The following RBFOX1 variants were observed in gnomAD, a reference collection of about 807,000 sequenced individuals.
The protein encoded by RBFOX1 is RNA binding protein fox-1 homolog 1.
In RBFOX1, 8 loss-of-function variants were observed where a neutral mutation model predicts 57.7. The ratio of observed to expected loss-of-function variants is 0.14; its 90% CI spans 0.08 to 0.25. The LOEUF (loss-of-function observed/expected upper bound fraction) is 0.25. Among genes scored for constraint, RBFOX1 ranks in the 10% least tolerant of loss-of-function variants. The pLI, the probability that RBFOX1 is intolerant of heterozygous loss-of-function variation, is 1.00. For missense variants in RBFOX1, 611 were observed against 548.5 expected (o/e 1.11, Z -1.14); for synonymous variants, 326 against 222.4 (o/e 1.47, Z -4.15).
chr16:5,698,472 A>G (rs887507175), intron 3 of RBFOX1, among the ~76,000 whole-genome samples: 1 of 152,168 alleles, frequency 6.6e-6, no homozygotes, highest in Non-Finnish European at 1.5e-5. Context: ...AAGTTTTTCT[A>G]GAAAACTGTA....
intron 4 of RBFOX1, among the ~76,000 whole-genome samples, chr16:7,088,034 G>T (rs1291384408): frequency 1.3e-5 from 2 of 152,152 alleles, no homozygotes; most frequent in Admixed American, 1.3e-4. Flanking sequence ...TATAGTACAT[G>T]TGCTCGCATT....
intron 14 of RBFOX1, among the ~76,000 whole-genome samples, chr16:7,707,364 C>A (rs1346406538): frequency 6.6e-6 from 1 of 152,022 alleles, no homozygotes; most frequent in East Asian, 1.9e-4. Context: ...ACTTATCTAC[C>A]AACCATGAGA....
At chr16:6,768,052 A>T (rs1186693847) in intron 3 of RBFOX1, among the ~76,000 whole-genome samples, 1 of 151,778 alleles carries the variant, frequency 6.6e-6, no homozygotes, top group East Asian at 1.9e-4. Context: ...TGAAGGAGCT[A>T]GTGAATTTTC....
At chr16:7,474,145 G>T (rs1000090688) in intron 4 of RBFOX1, among the ~76,000 whole-genome samples, 1 of 152,148 alleles carries the variant, frequency 6.6e-6, no homozygotes, top group African/African-American at 2.4e-5. Flanking sequence ...AAATTAGCCA[G>T]GCATGGTGGC....
chr16:6,360,827 G>T (rs913342544), intron 2 of RBFOX1, among the ~76,000 whole-genome samples: 1 of 152,182 alleles, frequency 6.6e-6, no homozygotes, highest in African/African-American at 2.4e-5. Context: ...AGTTATCATT[G>T]TGAATGGCGC....
intron 1 of RBFOX1, among the ~76,000 whole-genome samples, chr16:6,271,663 C>T (rs1015756884): frequency 1.3e-5 from 2 of 152,026 alleles, no homozygotes; most frequent in African/African-American, 2.4e-5. Context: ...AAGGGAATAC[C>T]GTAAATAACT....
chr16:6,243,434 C>A (rs890509612), intron 1 of RBFOX1, among the ~76,000 whole-genome samples: 5 of 152,140 alleles, frequency 3.3e-5, no homozygotes, highest in African/African-American at 1.2e-4. Context: ...AGTCATGGTG[C>A]TGCTGTTTAA....
intron 4 of RBFOX1, among the ~76,000 whole-genome samples, chr16:7,200,239 A>G (rs986689990): frequency 1.3e-5 from 2 of 152,192 alleles, no homozygotes; most frequent in South Asian, 2.1e-4. Flanking sequence ...GATGGTAAGG[A>G]TGATACTGTG....
At chr16:5,479,681 C>T (rs1174063161) in intron 2 of RBFOX1, among the ~76,000 whole-genome samples, 2 of 152,196 alleles carry the variant, frequency 1.3e-5, no homozygotes, top group Middle Eastern at 3.4e-3. Flanking sequence ...ATCGCTTGAA[C>T]CCAGGAGGTA....
chr16:5,627,339 T>A (rs1380019001), intron 3 of RBFOX1, among the ~76,000 whole-genome samples: 1 of 152,154 alleles, frequency 6.6e-6, no homozygotes, highest in African/African-American at 2.4e-5. Context: ...AATGAAACAG[T>A]CTGGTAGAAT....
chr16:5,517,802 A>G (rs1172885659), intron 2 of RBFOX1, among the ~76,000 whole-genome samples: 1 of 152,202 alleles, frequency 6.6e-6, no homozygotes, highest in Non-Finnish European at 1.5e-5. Context: ...GGTGCTGGAT[A>G]TATGGTGTAG....
At chr16:6,745,848 C>T (rs771615111) in intron 3 of RBFOX1, among the ~76,000 whole-genome samples, 6 of 152,154 alleles carry the variant, frequency 3.9e-5, no homozygotes, top group Admixed American at 2.6e-4. Context: ...TGTCTTTATT[C>T]ATAGGCAGCG....
intron 1 of RBFOX1, among the ~76,000 whole-genome samples, chr16:6,102,226 C>G (rs1004232877): frequency 3.3e-5 from 5 of 150,348 alleles, no homozygotes; most frequent in Admixed American, 3.3e-4. Flanking sequence ...GTGGAAACCT[C>G]TAGTGACAAG....
At chr16:6,559,155 ATGACTGTT>A (rs1291570796) in intron 2 of RBFOX1, among the ~76,000 whole-genome samples, 1 of 149,264 alleles carries the variant, frequency 6.7e-6, no homozygotes, top group Non-Finnish European at 1.5e-5. Flanking sequence ...GTGTATATAT[ATGACTGTT>A]TGTGTGTACA....
At chr16:7,436,727 A>G (rs564729865) in intron 4 of RBFOX1, among the ~76,000 whole-genome samples, 3 of 152,142 alleles carry the variant, frequency 2.0e-5, no homozygotes, top group Non-Finnish European at 4.4e-5. Context: ...TGAAATAGCT[A>G]GAAAATTATT....
intron 3 of RBFOX1, among the ~76,000 whole-genome samples, chr16:5,660,920 C>T (rs892524656): frequency 6.6e-6 from 1 of 152,096 alleles, no homozygotes; most frequent in African/African-American, 2.4e-5. Context: ...TGCCTCCAAC[C>T]CAGGAGGAAG....
chr16:6,264,609 G>C (rs147385838), intron 1 of RBFOX1, among the ~76,000 whole-genome samples: 1 of 152,042 alleles, frequency 6.6e-6, no homozygotes, highest in African/African-American at 2.4e-5. Flanking sequence ...TCCTCTTCAG[G>C]ACCTTTTGCT....
intron 4 of RBFOX1, among the ~76,000 whole-genome samples, chr16:6,009,362 C>G (rs762474190): frequency 1.1e-4 from 17 of 152,196 alleles, no homozygotes; most frequent in Admixed American, 2.0e-4. Flanking sequence ...GCACGTTCCA[C>G]AGGGCTTGAC....
chr16:6,436,761 C>G (rs1431921288), intron 2 of RBFOX1, among the ~76,000 whole-genome samples: 2 of 151,934 alleles, frequency 1.3e-5, no homozygotes, highest in Non-Finnish European at 2.9e-5. Flanking sequence ...GTAGTAGTAA[C>G]TCAGTGATTA....
Sources: allele counts gnomAD v4.1 joint callset (sites outside exome capture counted in the v4.1 genomes callset), GRCh38; gene constraint gnomAD v4.1.1; transcripts MANE v1.5; gene names NCBI Gene and HGNC (gene_info 2026-07-23, HGNC 2026-07-21).